PTP4A2: variants seen among roughly 807,000 people sequenced by gnomAD.
The protein encoded by PTP4A2 is protein tyrosine phosphatase 4A2.
Under a neutral mutation model 22.9 loss-of-function variants are expected in PTP4A2, and 2 were observed. The observed-to-expected ratio is 0.09, with a 90% CI of 0.04 to 0.27. The LOEUF (loss-of-function observed/expected upper bound fraction) is 0.27. Among genes scored for constraint, PTP4A2 ranks in the 10% least tolerant of loss-of-function variants. The probability of loss-of-function intolerance (pLI) is 1.00; values close to 1 mark genes in which losing one functional copy is unlikely to be tolerated. For synonymous variants in PTP4A2, 68 were observed against 69.1 expected, an observed-to-expected ratio of 0.98 and a Z score of 0.08; for missense variants, 103 against 205.1, an observed-to-expected ratio of 0.50 and a Z score of 3.04.
intron 1 of PTP4A2, among the ~76,000 whole-genome samples, chr1:31,927,683 T>C (rs1360496935): frequency 1.3e-5 from 2 of 152,038 alleles, no homozygotes; most frequent in Non-Finnish European, 2.9e-5. Flanking sequence ...TAAGAAGGGG[T>C]CAGTTTCAAG....
chr1:31,909,243 G>C (rs2124132179), intron 5 of PTP4A2, among the ~76,000 whole-genome samples: 1 of 152,214 alleles, frequency 6.6e-6, no homozygotes, highest in South Asian at 2.1e-4. Flanking sequence ...TTAAAGGAAG[G>C]GTTGAAAGGG....
At chr1:31,934,312 T>C (rs948903630) in intron 1 of PTP4A2, among the ~76,000 whole-genome samples, 4 of 152,106 alleles carry the variant, frequency 2.6e-5, no homozygotes, top group African/African-American at 9.7e-5. Flanking sequence ...TTAAGCAAAA[T>C]TTTAAAGATC....
At position 31,909,041 on chromosome 1, in the gene PTP4A2, A is replaced by T. The variant is rs1651391959; in HGVS notation, c.396-81T>A. The T allele has an allele frequency of 6.0e-6, 6 of 1,000,556 alleles. No individual in the cohort carries two copies. The South Asian group carries it at 8.2e-5, about 14-fold the overall frequency. 62.0% of individuals were successfully genotyped at this position (1,000,556 alleles called of 1,614,324 possible). ...CTGAAATGCATTATTTACATCCTAAAGCCTTTCTAATTCCACACAGCTGAA... is the reference window on the plus strand; with the variant it reads ...CTGAAATGCATTATTTACATCCTAATGCCTTTCTAATTCCACACAGCTGAA... On this transcript the variant is annotated intron_variant, in intron 5 of 5. Transcript: ENST00000647444.
intron 2 of PTP4A2, among the ~76,000 whole-genome samples, chr1:31,917,640 A>C (rs985146303): frequency 6.6e-5 from 10 of 152,306 alleles, no homozygotes; most frequent in Admixed American, 3.9e-4. Flanking sequence ...TAAATACAGC[A>C]AGAAAAATCA....
intron 3 of PTP4A2, chr1:31,913,068 G>A (rs1457784069): frequency 6.9e-6 from 3 of 434,450 alleles, no homozygotes; most frequent in Admixed American, 2.8e-5. Flanking sequence ...ACTCATATAA[G>A]TAGTGTCTAT....
At position 31,908,173 on chromosome 1, in the gene PTP4A2, TATATATATATATATATATATATA is replaced by T; in HGVS notation, c.*656_*678del. 4.9e-5 allele frequency: 1 copy of T among 20,202 alleles called. No homozygotes were observed. The highest frequency in any genetic ancestry group is 3.0e-3 in the East Asian group (1 of 336). 1.3% of individuals were successfully genotyped at this position (20,202 alleles called of 1,614,324 possible). A position where few individuals can be genotyped will look rare whatever the true frequency, so the allele number is the denominator to read the frequency against. On this transcript the variant is annotated 3_prime_UTR_variant, in exon 6 of 6. Coordinates refer to ENST00000647444, the MANE Select transcript of PTP4A2 (RefSeq NM_080391.4). ...ATATATATATATATATATATATATA[TATATATATATATATATATATATA>T]TATATATATATCACTGCTGTTTTTT... is the stretch of plus-strand genomic sequence containing the variant.
rs1651287651 is a variant in PTP4A2, at chr1:31,908,128, ATATATATTATAT to A, written c.*712_*723del. 4.1e-3 allele frequency: 2 copies of A among 488 alleles called. 1 individual carries two copies. The highest frequency in any genetic ancestry group is 8.0e-3 in the Non-Finnish European group (2 of 250). 0.0% of individuals were successfully genotyped at this position (488 alleles called of 1,614,324 possible). On this transcript the variant is annotated 3_prime_UTR_variant, in exon 6 of 6. Coordinates refer to ENST00000647444, the MANE Select transcript of PTP4A2 (RefSeq NM_080391.4). ...CCACCTGGAAAATATATATATATAT[ATATATATTATAT>A]TATATATATATATATATATATATAT...
intron 1 of PTP4A2, among the ~76,000 whole-genome samples, chr1:31,929,800 T>G (rs1216043387): frequency 6.6e-6 from 1 of 152,168 alleles, no homozygotes; most frequent in African/African-American, 2.4e-5. Flanking sequence ...GAACTTCAAT[T>G]GTAATAAAGC....
At chr1:31,909,780 G>T (rs1489272548) in intron 5 of PTP4A2, among the ~76,000 whole-genome samples, 1 of 151,920 alleles carries the variant, frequency 6.6e-6, no homozygotes, top group Non-Finnish European at 1.5e-5. Flanking sequence ...TATTAAAAGG[G>T]GCATTTTTGA....
At chr1:31,928,723 T>C (rs1332775682) in intron 1 of PTP4A2, among the ~76,000 whole-genome samples, 1 of 150,338 alleles carries the variant, frequency 6.7e-6, no homozygotes, top group African/African-American at 2.4e-5. Flanking sequence ...AAAAAAAATT[T>C]CATAGTTACT....
chr1:31,932,142 A>G (rs192407501), intron 1 of PTP4A2, among the ~76,000 whole-genome samples: 29 of 152,360 alleles, frequency 1.9e-4, no homozygotes, highest in Admixed American at 1.1e-3. Context: ...AACAGCCAAC[A>G]TATCTGGCCA....
Position 31,908,236 on chromosome 1 carries a change from GTTTTT to G in PTP4A2, c.*611_*615del, listed in dbSNP as rs56981526. 1 of 47,826 alleles carries G rather than the reference GTTTTT, an allele frequency of 2.1e-5. No individual in the cohort carries two copies. The highest frequency in any genetic ancestry group is 4.4e-4 in the East Asian group (1 of 2,284). 3.0% of individuals were successfully genotyped at this position (47,826 alleles called of 1,614,324 possible). A position where few individuals can be genotyped will look rare whatever the true frequency, so the allele number is the denominator to read the frequency against. ...TGCTGTTTTTTTGGTGTTGTTTTTTGTTTTTTTTTTTTTTTTATCTAAAAGTGCCC... is the reference window on the plus strand; with the variant it reads ...TGCTGTTTTTTTGGTGTTGTTTTTTGTTTTTTTTTTTATCTAAAAGTGCCC... On this transcript the variant is annotated 3_prime_UTR_variant, in exon 6 of 6. Coordinates refer to ENST00000647444, the MANE Select transcript of PTP4A2 (RefSeq NM_080391.4).
rs1651393980 is a variant in PTP4A2 at position 31,909,083 on chromosome 1, AT to A, written c.396-124del. ...ACAGCTGAAAACCAGCATATTTCCC[AT>A]ACTACAACAATTCTTAAAGAGCTAA... On this transcript the variant is annotated intron_variant, in intron 5 of 5. Coordinates refer to ENST00000647444, the MANE Select transcript of PTP4A2 (RefSeq NM_080391.4). 3 of 700,362 alleles carry A rather than the reference AT, an allele frequency of 4.3e-6. No homozygotes were observed. The African/African-American group carries it at 5.4e-5, about 13-fold the overall frequency. 43.4% of individuals were successfully genotyped at this position (700,362 alleles called of 1,614,324 possible). A position where few individuals can be genotyped will look rare whatever the true frequency, so the allele number is the denominator to read the frequency against.
intron 5 of PTP4A2, 142 bp downstream of exon 5, chr1:31,909,896 T>C (rs982139869): frequency 2.4e-5 from 16 of 679,538 alleles, no homozygotes; most frequent in Non-Finnish European, 3.9e-5. Context: ...TCACTTGCTC[T>C]AAATTTTTTA....
chr1:31,910,284 G>A (rs1651465479), intron 4 of PTP4A2, 172 bp from the exon 5 acceptor site: 1 of 524,982 alleles, frequency 1.9e-6, no homozygotes, highest in Non-Finnish European at 3.4e-6. Context: ...TTAATTCTAT[G>A]ATTTTTTTTT....
intron 4 of PTP4A2, among the ~76,000 whole-genome samples, 172 bp downstream of exon 4, chr1:31,911,524 C>G (rs1651533061): frequency 1.3e-5 from 2 of 152,174 alleles, no homozygotes; most frequent in African/African-American, 4.8e-5. Flanking sequence ...ATGAAATGAA[C>G]AGGCTCTTTT....
intron 1 of PTP4A2, among the ~76,000 whole-genome samples, chr1:31,927,653 G>C (rs532361166): frequency 6.6e-6 from 1 of 152,256 alleles, no homozygotes; most frequent in Admixed American, 6.5e-5. Context: ...CTTAGACCAG[G>C]GTAACAGCAG....
chr1:31,917,267 C>T (rs748507230), intron 2 of PTP4A2, among the ~76,000 whole-genome samples: 5 of 152,178 alleles, frequency 3.3e-5, no homozygotes, highest in Non-Finnish European at 7.3e-5. Context: ...AGTTAAGAAG[C>T]TCAGGGAATT....
intron 1 of PTP4A2, chr1:31,921,465 ACACACTTCTCCC>A (rs1652152063): frequency 6.6e-6 from 1 of 152,190 alleles, no homozygotes; most frequent in Non-Finnish European, 1.5e-5. Context: ...ACTGATTCAC[ACACACTTCTCCC>A]CAAACATTAA....
Sources: allele counts gnomAD v4.1 joint callset (sites outside exome capture counted in the v4.1 genomes callset), GRCh38; gene constraint gnomAD v4.1.1; transcripts MANE v1.5; gene names NCBI Gene and HGNC (gene_info 2026-07-23, HGNC 2026-07-21).